TRPM5: variants seen among roughly 807,000 people sequenced by gnomAD.
TRPM5 encodes transient receptor potential cation channel subfamily M member 5.
In TRPM5, 121 loss-of-function variants were observed where a neutral mutation model predicts 124.9. The observed-to-expected ratio is 0.97, with a 90% CI of 0.84 to 1.13. TRPM5 has a LOEUF of 1.13. Ranked by LOEUF, TRPM5 falls within the 50% of genes most tolerant of loss-of-function variation. TRPM5 has a pLI of 0.00. For missense variants in TRPM5, 1,643 were observed against 1,589.1 expected (o/e 1.03, Z -0.58); for synonymous variants, 781 against 700.5 (o/e 1.11, Z -1.81).
chr11:2,414,013 GCCCAC>G, intron 12 of TRPM5, 43 bp downstream of exon 17: 20 of 625,378 alleles, frequency 3.2e-5, no homozygotes, highest in Non-Finnish European at 4.5e-5. Context: ...CAGCTCGCCC[GCCCAC>G]CCCACCCCCT....
At chr11:2,420,350 C>T in exon 4 of TRPM5, 1 of 1,612,826 alleles carries the variant, frequency 6.2e-7, no homozygotes, top group Non-Finnish European at 8.5e-7. Flanking sequence ...GTCCAGTGAA[C>T]AGAGGGGGCC....
rs1429551082 is a variant in TRPM5 at position 2,413,230 on chromosome 11, CGAGCACAGGA to C, written c.2004-14_2004-5del. The C allele has an allele frequency of 4.9e-5, 75 of 1,544,784 alleles. No homozygotes were observed. The highest frequency in any genetic ancestry group is 6.3e-5 in the Non-Finnish European group (72 of 1,145,294). ...TGTCCTCAGGGGAGCTTCCTCACTG[CGAGCACAGGA>C]GAGCTCAGGGCCCGCAGGAAGGGCT... On this transcript the variant is annotated splice_region_variant and splice_polypyrimidine_tract_variant and intron_variant, in intron 13 of 23. Coordinates refer to ENST00000155858, the Ensembl canonical transcript of TRPM5.
the TRPM5 span, among the ~76,000 whole-genome samples, chr11:2,438,442 A>C: frequency 2.0e-5 from 3 of 152,202 alleles, no homozygotes; most frequent in Non-Finnish European, 4.4e-5. This position sits in a 1 kb window ranked among gnomAD's most constrained non-coding sequence, Gnocchi z 5.9. Flanking sequence ...AAGCGAGCGG[A>C]TCACTTGAAT....
chr11:2,433,364 C>G, the TRPM5 span, among the ~76,000 whole-genome samples: 3 of 152,268 alleles, frequency 2.0e-5, no homozygotes, highest in African/African-American at 4.8e-5. Flanking sequence ...GAAGGTGTAG[C>G]CTTCTTAGTG....
intron 4 of TRPM5, among the ~76,000 whole-genome samples, chr11:2,419,706 A>C (rs1034811065): frequency 1.3e-5 from 2 of 151,864 alleles, no homozygotes; most frequent in African/African-American, 4.8e-5. Context: ...TATTGTTCAT[A>C]GATGTTATAA....
At chr11:2,417,619 G>T in intron 7 of TRPM5, 108 bp downstream of exon 12, 1 of 790,836 alleles carries the variant, frequency 1.3e-6, no homozygotes, top group Non-Finnish European at 2.1e-6. Context: ...CTGGGAAGGG[G>T]CAGGCGGCCG....
chr11:2,417,953 C>T, intron 6 of TRPM5, 124 bp from the exon 12 acceptor site: 1 of 1,057,314 alleles, frequency 9.5e-7, no homozygotes, highest in East Asian at 2.6e-5. Context: ...CCTGCATGCC[C>T]ACCGCCCACC....
intron 20 of TRPM5, 117 bp from the exon 26 acceptor site, chr11:2,406,910 G>C (rs1013902304): frequency 4.1e-6 from 6 of 1,448,180 alleles, no homozygotes; most frequent in Non-Finnish European, 5.5e-6. Context: ...GGCCCAGCCA[G>C]GGATGGAGGG....
At chr11:2,412,200 C>A in exon 16 of TRPM5, 1 of 1,613,634 alleles carries the variant, frequency 6.2e-7, no homozygotes, top group Non-Finnish European at 8.5e-7. Context: ...AGTTGTCCCC[C>A]ACATACAGTG....
chr11:2,413,007 T>A (rs1850483592), exon 15 of TRPM5: 1 of 1,603,510 alleles, frequency 6.2e-7, no homozygotes, highest in Non-Finnish European at 8.5e-7. Flanking sequence ...CACCAGCTCC[T>A]CCACCCTGTG....
chr11:2,409,710 G>A (rs1850404191), intron 18 of TRPM5, among the ~76,000 whole-genome samples: 1 of 152,142 alleles, frequency 6.6e-6, no homozygotes, highest in Non-Finnish European at 1.5e-5. Context: ...TACTTGCTCG[G>A]CAGCTGAACG....
At chr11:2,409,958 T>G (rs143506773) in intron 18 of TRPM5, among the ~76,000 whole-genome samples, 2,499 of 152,252 alleles carry the variant, frequency 0.016, 64 homozygotes, top group African/African-American at 0.057. Context: ...TCGCTGAGAC[T>G]GGCCCACCAG....
intron 7 of TRPM5, among the ~76,000 whole-genome samples, chr11:2,417,301 C>T (rs2133525740): frequency 6.6e-6 from 1 of 152,158 alleles, no homozygotes; most frequent in Non-Finnish European, 1.5e-5. Flanking sequence ...AATACAAAAA[C>T]AAAATTAGCC....
exon 12 of TRPM5, chr11:2,414,108 C>G (rs1279353879): frequency 1.3e-6 from 2 of 1,566,332 alleles, no homozygotes; most frequent in South Asian, 2.3e-5. Flanking sequence ...GCCTCGGTGG[C>G]CAGGTGCAGG....
intron 21 of TRPM5, 38 bp downstream of exon 26, chr11:2,406,621 CAG>C (rs1850327805): frequency 6.4e-6 from 10 of 1,555,846 alleles, no homozygotes; most frequent in Non-Finnish European, 6.9e-6. Context: ...CGCTTAAAGA[CAG>C]CCCGATACCC....
chr11:2,415,823 G>T, intron 8 of TRPM5, 83 bp downstream of exon 13: 1 of 1,056,888 alleles, frequency 9.5e-7, no homozygotes, highest in Non-Finnish European at 1.4e-6. Context: ...CAGCCAAGCA[G>T]CCCACAGGGT....
In TRPM5 at chr11:2,414,577, T is replaced by C. The variant is rs895323276; in HGVS notation, c.1744+138A>G. The C allele has an allele frequency of 2.8e-4, 349 of 1,255,348 alleles. 4 individuals carry two copies. In the East Asian group the frequency reaches 8.9e-3, roughly 32 times the overall value. The allele number at this position is 1,255,348 out of a possible 1,614,324, so 77.8% of individuals were successfully genotyped here. A position where few individuals can be genotyped will look rare whatever the true frequency, so the allele number is the denominator to read the frequency against. On this transcript the variant is annotated intron_variant, in intron 11 of 23. Transcript: ENST00000155858. ...CCAGGCAGAGCCGTCTGTCCTCTCC[T>C]ATGGAGGAGGCCCCTGAGGGCACCT...
chr11:2,414,842 C>A lies in TRPM5; in HGVS notation c.1621-4G>T. 2.5e-6 allele frequency: 4 copies of A among 1,591,636 alleles called. No individual in the cohort carries two copies. Among genetic ancestry groups the A allele is most frequent in the African/African-American group, 1.3e-5 (1 of 74,548 alleles). Reference sequence around the variant, plus strand: ...CGGCTGCCACACCTTCCTGGCCCTACGAGACCTGGTCTCAGGAGGCCGCCC... The same window carrying A: ...CGGCTGCCACACCTTCCTGGCCCTAAGAGACCTGGTCTCAGGAGGCCGCCC... On this transcript the variant is annotated splice_polypyrimidine_tract_variant and splice_region_variant and intron_variant, in intron 10 of 23. Coordinates refer to ENST00000155858, the Ensembl canonical transcript of TRPM5.
chr11:2,420,078 T>TG, intron 4 of TRPM5, 144 bp downstream of exon 9: 2 of 324,144 alleles, frequency 6.2e-6, no homozygotes, highest in Non-Finnish European at 8.5e-6. Flanking sequence ...ACGGCCCAGG[T>TG]CTCGGTGCTC....
Sources: gnomAD v4.1 joint callset for allele counts (sites outside exome capture counted in the v4.1 genomes callset) on GRCh38, gnomAD v4.1.1 for gene constraint, Gnocchi (gnomAD v3.1) non-coding constraint, MANE v1.5 for transcripts, NCBI Gene and HGNC (gene_info 2026-07-23, HGNC 2026-07-21) for gene names.